The following C5 variants were observed in gnomAD, a reference collection of about 807,000 sequenced individuals.
C5 encodes the protein C3 and PZP-like alpha-2-macroglobulin domain-containing protein 4.
C5 carries 140 observed loss-of-function variants against 218.8 expected under a neutral mutation model. That is an observed-to-expected ratio of 0.64 (90% confidence interval 0.56 to 0.74). C5 has a LOEUF of 0.74. Ranked by LOEUF, C5 falls within the 30% of genes least tolerant of loss-of-function variation. The probability of loss-of-function intolerance (pLI) is 0.00; values close to 1 mark genes in which losing one functional copy is unlikely to be tolerated. For missense variants in C5, 1,700 were observed against 1,969.6 expected (o/e 0.86, Z 2.59); for synonymous variants, 614 against 682.3 (o/e 0.90, Z 1.56).
chr9:120,960,020 G>T (rs759932001), intron 38 of C5, among the ~76,000 whole-genome samples: 1 of 152,014 alleles, frequency 6.6e-6, no homozygotes, highest in Non-Finnish European at 1.5e-5. Flanking sequence ...AAAGTATCCT[G>T]GCTGGGTATA....
At chr9:120,962,831 C>A (rs1177032889) in intron 35 of C5, 55 bp from the exon 36 acceptor site, 9 of 1,601,166 alleles carry the variant, frequency 5.6e-6, no homozygotes, top group Admixed American at 1.7e-5. Flanking sequence ...TATTTATAAT[C>A]TTTTAGCCTG....
At chr9:121,002,316 G>GTGTGTGTGTGTGTGTATATATATA (rs572345213) in intron 20 of C5, among the ~76,000 whole-genome samples, 36 of 87,396 alleles carry the variant, frequency 4.1e-4, no homozygotes, top group Middle Eastern at 6.5e-3. Flanking sequence ...ATATGTGTGT[G>GTGTGTGTGTGTGTGTATATATATA]TATATATATA....
chr9:121,065,460 T>TTTTTG, the C5 span, among the ~76,000 whole-genome samples: 2 of 149,258 alleles, frequency 1.3e-5, no homozygotes, highest in African/African-American at 2.4e-5. Context: ...AGCATTACTT[T>TTTTTG]TTTTGTTTTG....
In C5 at chr9:120,952,755, A is replaced by G; in HGVS notation, c.5015T>C (p.Phe1672Ser). The part of the protein sequence containing the change: ...ANLDEFAEDI[F>S]LNGC The stretch of plus-strand genomic sequence containing the variant: ...TCAGGAATTTTAGCATCCATTTAAA[A>G]AGATATCTTCGGCAAATTCATCTAA... The change falls in exon 41 of 41, where the codon TTT becomes TCT. Residue 1672 changes from phenylalanine (F) to serine (S), a missense_variant. Physicochemically the swap from Phe to Ser is radical, Grantham distance 155. Coordinates refer to ENST00000223642, the MANE Select transcript of C5 (RefSeq NM_001735.3). 1 of 1,613,474 alleles carries G rather than the reference A, an allele frequency of 6.2e-7. No individual in the cohort carries two copies. The highest frequency in any genetic ancestry group is 8.5e-7 in the Non-Finnish European group (1 of 1,179,746).
At chr9:121,027,575 C>T (rs41308038) in intron 7 of C5, among the ~76,000 whole-genome samples, 2 of 152,034 alleles carry the variant, frequency 1.3e-5, no homozygotes, top group East Asian at 3.9e-4. Context: ...ACAAACCTGA[C>T]AAAAACAAGA....
In C5 at chr9:121,049,747, CT is replaced by C. The variant is rs2047657494; in HGVS notation, c.65+434del. Among the ~76,000 whole-genome samples, 3 of 152,256 alleles carry C rather than the reference CT, an allele frequency of 2.0e-5. No homozygotes were observed. The South Asian group carries it at 6.2e-4, about 32-fold the overall frequency. ...GACACTAAAAATTGTGAAAAGTCAGCTCATAAATGTATGGTAGAAGTCACTA... is the reference window on the plus strand; with the variant it reads ...GACACTAAAAATTGTGAAAAGTCAGCCATAAATGTATGGTAGAAGTCACTA... On this transcript the variant is annotated intron_variant, in intron 1 of 40. Transcript: ENST00000223642.
At chr9:121,057,929 C>T in the C5 span, among the ~76,000 whole-genome samples, 13 of 152,092 alleles carry the variant, frequency 8.5e-5, no homozygotes, top group Non-Finnish European at 1.8e-4. Flanking sequence ...TTCTTTGCTC[C>T]AAAATATCCT....
chr9:121,021,372 T>A, intron 11 of C5, 137 bp downstream of exon 11: 1 of 713,354 alleles, frequency 1.4e-6, no homozygotes, highest in Non-Finnish European at 2.5e-6. Flanking sequence ...GGGACTAATT[T>A]GTCTTGGATG....
chr9:121,032,216 A>T (rs377554654), intron 5 of C5, 21 bp from the exon 6 acceptor site: 20 of 1,396,108 alleles, frequency 1.4e-5, no homozygotes, highest in Non-Finnish European at 1.9e-5. Flanking sequence ...AAAATATTTA[A>T]AATTATAGAT....
chr9:120,959,700 G>T (rs2046812456), intron 38 of C5, among the ~76,000 whole-genome samples: 1 of 152,194 alleles, frequency 6.6e-6, no homozygotes, highest in African/African-American at 2.4e-5. Context: ...CTGAGACAAG[G>T]CTACAACTGT....
At chr9:120,963,568 A>T in intron 34 of C5, 68 bp downstream of exon 34, 1 of 1,147,402 alleles carries the variant, frequency 8.7e-7, no homozygotes, top group South Asian at 1.3e-5. Context: ...AGAAAGTAAA[A>T]TTGTCTATAA....
chr9:121,060,169 A>T, the C5 span, among the ~76,000 whole-genome samples: 114,198 of 152,136 alleles, frequency 0.75, 43,252 homozygotes, highest in East Asian at 0.96. Context: ...GCTTATAATT[A>T]GCAAGTGTAC....
At chr9:121,035,551 A>G (rs1265773492) in intron 4 of C5, among the ~76,000 whole-genome samples, 1 of 152,152 alleles carries the variant, frequency 6.6e-6, no homozygotes, top group Non-Finnish European at 1.5e-5. Context: ...AGCAGGCAAC[A>G]TAAGTGAGGC....
At chr9:121,070,021 C>G in the C5 span, among the ~76,000 whole-genome samples, 7 of 152,024 alleles carry the variant, frequency 4.6e-5, no homozygotes, top group African/African-American at 1.2e-4. Context: ...TTCATAATAG[C>G]CAAGACATGG....
chr9:120,953,041 A>G (rs899360714), intron 40 of C5, among the ~76,000 whole-genome samples, 173 bp from the exon 41 acceptor site: 2 of 152,094 alleles, frequency 1.3e-5, no homozygotes, highest in Non-Finnish European at 2.9e-5. Context: ...CTCCTGCCTC[A>G]GCCTCCCGAG....
At chr9:121,047,115 G>A (rs923401615) in intron 1 of C5, among the ~76,000 whole-genome samples, 27 of 152,290 alleles carry the variant, frequency 1.8e-4, no homozygotes, top group Non-Finnish European at 2.8e-4. Context: ...ATCAGAGGCT[G>A]TATCAGCACT....
At chr9:120,994,585 C>G (rs546205108) in intron 22 of C5, among the ~76,000 whole-genome samples, 3 of 125,314 alleles carry the variant, frequency 2.4e-5, no homozygotes, top group East Asian at 2.7e-4. Context: ...CCTGTCCCCC[C>G]ACCCCACAAA....
rs746623019 is a variant in C5, at chr9:121,043,002, A to G, written c.421+2T>C. ...CAGAGGAAGAAATATCTTATAATCT[A>G]CCTGACTGGTCTGGAGTATAAACAG... On this transcript the variant is annotated splice_donor_variant, in intron 3 of 40. Coordinates refer to ENST00000223642, the MANE Select transcript of C5 (RefSeq NM_001735.3). LOFTEE classifies it high-confidence loss of function. 6.2e-7 allele frequency: 1 copy of G among 1,609,186 alleles called. No homozygotes were observed. The highest frequency in any genetic ancestry group is 1.7e-5 in the Admixed American group (1 of 60,014).
At chr9:120,974,252 C>A (rs2046935617) in intron 30 of C5, among the ~76,000 whole-genome samples, 1 of 152,146 alleles carries the variant, frequency 6.6e-6, no homozygotes, top group South Asian at 2.1e-4. Flanking sequence ...GGACATGGGG[C>A]AAGGAGCTGG....
Sources: gnomAD v4.1 joint callset for allele counts (sites outside exome capture counted in the v4.1 genomes callset) on GRCh38, gnomAD v4.1.1 for gene constraint, MANE v1.5 for transcripts, NCBI Gene and HGNC (gene_info 2026-07-23, HGNC 2026-07-21) for gene names.